The following DDX21 variants were observed in gnomAD, a reference collection of about 807,000 sequenced individuals.
DDX21 encodes the protein DExD-box helicase 21.
In DDX21, 18 loss-of-function variants were observed where a neutral mutation model predicts 90.0. The observed-to-expected ratio is 0.20, with a 90% confidence interval of 0.14 to 0.30. The LOEUF (loss-of-function observed/expected upper bound fraction) is 0.30. Among genes scored for constraint, DDX21 ranks in the 10% least tolerant of loss-of-function variants. The pLI is 1.00. For missense variants in DDX21, 673 were observed against 944.5 expected, an observed-to-expected ratio of 0.71 and a Z score of 3.77; for synonymous variants, 294 against 318.0, an observed-to-expected ratio of 0.92 and a Z score of 0.80.
chr10:68,968,169 C>A (rs1842966494), intron 6 of DDX21, among the ~76,000 whole-genome samples: 1 of 152,096 alleles, frequency 6.6e-6, no homozygotes, highest in African/African-American at 2.4e-5. Context: ...TCTACCGCGG[C>A]CGCCCTTTTT....
In DDX21 at chr10:68,982,826, A is replaced by G. The variant is rs748798012; in HGVS notation, c.*14A>G. 3 of 1,612,260 alleles carry G rather than the reference A, an allele frequency of 1.9e-6. No individual in the cohort carries two copies. The highest frequency in any genetic ancestry group is 2.5e-6 in the Non-Finnish European group (3 of 1,178,904). On this transcript the variant is annotated 3_prime_UTR_variant, in exon 15 of 15. Coordinates refer to ENST00000354185, the MANE Select transcript of DDX21 (RefSeq NM_004728.4). ...TTTGGTCAATAATTAGAAATAGAAG[A>G]TTTATATAGCAAAAAGAGAATGATG...
In DDX21 at chr10:68,964,339, G is replaced by A. The variant is rs375058923; in HGVS notation, c.786+870G>A. 1.7e-4 allele frequency among the ~76,000 whole-genome samples: 26 copies of A among 152,244 alleles called. 1 individual carries two copies. In the East Asian group the frequency reaches 5.0e-3, roughly 29 times the overall value. On this transcript the variant is annotated intron_variant, in intron 4 of 14. Coordinates refer to ENST00000354185, the MANE Select transcript of DDX21 (RefSeq NM_004728.4). ...TGCTCACTGGCCTTCCAGTGTCCATGCTCCCCCTTTGTTAATTTGTTTACT... is the reference window on the plus strand; with the variant it reads ...TGCTCACTGGCCTTCCAGTGTCCATACTCCCCCTTTGTTAATTTGTTTACT...
chr10:68,956,417 C>T, intron 1 of DDX21, 105 bp downstream of exon 1: 1 of 1,541,600 alleles, frequency 6.5e-7, no homozygotes, highest in Non-Finnish European at 8.8e-7. Flanking sequence ...CGGCGGATAA[C>T]AGCGCGTCCA....
chr10:68,980,508 C>T (rs1439901066), intron 13 of DDX21, among the ~76,000 whole-genome samples: 3 of 152,018 alleles, frequency 2.0e-5, no homozygotes, highest in Non-Finnish European at 4.4e-5. Context: ...AATATGTAAG[C>T]GAAGATTCCC....
chr10:68,978,327 T>C (rs1843135569), intron 12 of DDX21, among the ~76,000 whole-genome samples: 1 of 152,152 alleles, frequency 6.6e-6, no homozygotes, highest in South Asian at 2.1e-4. Context: ...CTTACAAATA[T>C]ACTAAAACAA....
At chr10:68,962,823 G>A (rs117657778) in intron 3 of DDX21, among the ~76,000 whole-genome samples, 1,556 of 152,300 alleles carry the variant, frequency 0.01, 17 homozygotes, top group South Asian at 0.014. Flanking sequence ...AGTTACTCAA[G>A]TAGGTGCTTC....
At chr10:68,974,253 C>T (rs1003845285) in intron 10 of DDX21, among the ~76,000 whole-genome samples, 29 of 152,172 alleles carry the variant, frequency 1.9e-4, no homozygotes, top group Non-Finnish European at 3.5e-4. Context: ...GCATTCACTT[C>T]GGGTATTCCT....
intron 7 of DDX21, 131 bp downstream of exon 7, chr10:68,969,252 T>G: frequency 3.2e-6 from 3 of 928,728 alleles, no homozygotes; most frequent in South Asian, 3.3e-5. Flanking sequence ...GGAAAAATAT[T>G]TCTATTTGAG....
chr10:68,975,368 A>C (rs1843084709), intron 11 of DDX21, among the ~76,000 whole-genome samples: 1 of 152,310 alleles, frequency 6.6e-6, no homozygotes, highest in South Asian at 2.1e-4. Flanking sequence ...AAATGGAAGG[A>C]TATTTAGCTG....
At chr10:68,960,619 G>A (rs1034645349) in intron 2 of DDX21, among the ~76,000 whole-genome samples, 7 of 151,672 alleles carry the variant, frequency 4.6e-5, no homozygotes, top group African/African-American at 1.7e-4. Flanking sequence ...GTGCTATCAC[G>A]CCTGGCTAAT....
intron 9 of DDX21, among the ~76,000 whole-genome samples, chr10:68,972,457 C>G (rs1202919160): frequency 6.6e-6 from 1 of 152,076 alleles, no homozygotes; most frequent in Non-Finnish European, 1.5e-5. Context: ...TCAAGGAGGA[C>G]CCTGAATCAT....
intron 7 of DDX21, among the ~76,000 whole-genome samples, chr10:68,969,499 C>T (rs1842991408): frequency 6.6e-6 from 1 of 152,146 alleles, no homozygotes; most frequent in African/African-American, 2.4e-5. Flanking sequence ...AGGATAGTCT[C>T]AATCTCTTGA....
Position 68,965,432 on chromosome 10 carries a change from G to C in DDX21, c.842G>C (p.Ser281Thr). 2 of 1,613,996 alleles carry C rather than the reference G, an allele frequency of 1.2e-6. No homozygotes were observed. Among genetic ancestry groups the C allele is most frequent in the Non-Finnish European group, 1.7e-6 (2 of 1,179,978 alleles). Reference sequence around the variant, plus strand: ...GCAAATCAAGTAAGCAAAGACTTCAGTGACATCACAAAAAAGCTGTCAGTG... The same window carrying C: ...GCAAATCAAGTAAGCAAAGACTTCACTGACATCACAAAAAAGCTGTCAGTG... ...ELANQVSKDF[S>T]DITKKLSVAC... is the part of the protein sequence containing the mutation. Residue 281 changes from serine (S) to threonine (T), a missense_variant, in exon 5 of 15, where the codon AGT (serine) becomes ACT (threonine). By Grantham distance (58) the Ser-to-Thr change is moderately conservative. Around this residue, in one of 4 missense-constraint regions of DDX21, gnomAD observed 218 missense variants for 347.3 expected, o/e 0.63. Transcript: ENST00000354185.
intron 8 of DDX21, 133 bp downstream of exon 8, chr10:68,970,483 T>C: frequency 1.3e-6 from 1 of 779,328 alleles, no homozygotes; most frequent in Non-Finnish European, 1.9e-6. Flanking sequence ...GAGAGGAAGC[T>C]ACTTTTTTTT....
intron 3 of DDX21, among the ~76,000 whole-genome samples, chr10:68,962,499 C>T (rs1299666751): frequency 6.6e-6 from 1 of 152,194 alleles, no homozygotes; most frequent in Admixed American, 6.5e-5. Flanking sequence ...ATCTATAGTC[C>T]TAACTACTCC....
chr10:68,981,262 G>A (rs1042780459), intron 13 of DDX21, among the ~76,000 whole-genome samples: 3 of 152,142 alleles, frequency 2.0e-5, no homozygotes, highest in Admixed American at 2.0e-4. Flanking sequence ...TAGCCACTAG[G>A]GGGTTAGCAC....
chr10:68,972,657 T>G (rs1302091827), intron 9 of DDX21, among the ~76,000 whole-genome samples: 1 of 152,156 alleles, frequency 6.6e-6, no homozygotes, highest in Non-Finnish European at 1.5e-5. Context: ...GGAAGTCCCA[T>G]GAGTGTGTGG....
chr10:68,956,666 A>C (rs1842800499), intron 1 of DDX21: 4 of 1,101,758 alleles, frequency 3.6e-6, no homozygotes, highest in Non-Finnish European at 3.4e-6. Flanking sequence ...GCAGAGTTGG[A>C]CCTTCAGTCA....
intron 9 of DDX21, among the ~76,000 whole-genome samples, chr10:68,972,471 T>G (rs1286855494): frequency 6.6e-6 from 1 of 152,212 alleles, no homozygotes; most frequent in Admixed American, 6.5e-5. Context: ...GAATCATAGT[T>G]TACTTGATGT....
Sources: gnomAD v4.1 joint callset for allele counts (sites outside exome capture counted in the v4.1 genomes callset) on GRCh38, gnomAD v4.1.1 for gene constraint, gnomAD v4.1.1 regional missense constraint, MANE v1.5 for transcripts, NCBI Gene and HGNC (gene_info 2026-07-23, HGNC 2026-07-21) for gene names.